SHANK1: variants seen among roughly 807,000 people sequenced by gnomAD.
SHANK1 encodes SH3 and multiple ankyrin repeat domains protein 1.
In SHANK1, 35 loss-of-function variants were observed where a neutral mutation model predicts 165.6. The observed-to-expected ratio is 0.21, with a 90% CI of 0.16 to 0.28. The LOEUF is 0.28. SHANK1 is among the 10% of genes least tolerant of loss of function. SHANK1 has a pLI of 1.00. For synonymous variants in SHANK1, 1,428 were observed against 1,384.8 expected (o/e 1.03, Z -0.69); for missense variants, 2,681 against 3,036.4 (o/e 0.88, Z 2.75).
intron 23 of SHANK1, 82 bp downstream of exon 23, chr19:50,666,110 C>T: frequency 7.4e-6 from 10 of 1,351,100 alleles, no homozygotes; most frequent in Non-Finnish European, 9.8e-6. Context: ...TGTTTCCTTT[C>T]TGCCACCCTG....
chr19:50,689,303 GGGGGGTGGT>G, intron 15 of SHANK1, 24 bp from the exon 16 acceptor site: 1 of 1,461,524 alleles, frequency 6.8e-7, no homozygotes, highest in Non-Finnish European at 9.6e-7. Flanking sequence ...AGGAGAAATG[GGGGGGTGGT>G]GGGGGGAGTG....
At chr19:50,663,042 A>ATTAATTAATCCT in intron 23 of SHANK1, 2 of 311,260 alleles carry the variant, frequency 6.4e-6, no homozygotes, top group Non-Finnish European at 1.2e-5. Context: ...AATCCCCACG[A>ATTAATTAATCCT]CAGCCCTGAT....
Position 50,662,355 on chromosome 19 carries a change from G to A in SHANK1, c.6096C>T (p.Leu2032=), listed in dbSNP as rs759943436. 1 of 1,598,724 alleles carries A rather than the reference G, an allele frequency of 6.3e-7. No homozygotes were observed. The highest frequency in any genetic ancestry group is 1.3e-5 in the African/African-American group (1 of 74,736). The change falls in exon 24 of 24, where the codon CTC becomes CTT. Residue 2032 remains leucine (L), a synonymous_variant. Coordinates refer to ENST00000293441, the MANE Select transcript of SHANK1 (RefSeq NM_016148.5). This position sits in a 1 kb window ranked among gnomAD's most constrained non-coding sequence, Gnocchi z 7.7. ...ILPSGPLYPG[L]FDIRGSPTGG... is the part of the protein sequence containing the mutation. ...CAGTTGGGGAGCCACGGATGTCAAA[G>A]AGGCCTGGGTAGAGGGGTCCGGAAG...
Position 50,662,438 on chromosome 19 carries a change from G to A in SHANK1, c.6013C>T (p.Pro2005Ser), listed in dbSNP as rs201889743. ...LRRAPSPSLL[P>S]ASEHKVSPAP... ...GGGCTGACCTTGTGCTCCGAGGCGG[G>A]CAGCAGCGAGGGGCTGGGGGCCCGG... The change falls in exon 24 of 24, where the codon CCC becomes TCC. Residue 2005 changes from proline (P) to serine (S), a missense_variant. Pro to Ser is a moderately conservative substitution (Grantham distance 74, BLOSUM62 -1). Around this residue, in one of 10 missense-constraint regions of SHANK1, gnomAD observed 1,713 missense variants for 1,630.2 expected, o/e 1.05. Transcript: ENST00000293441. This position sits in a 1 kb window ranked among gnomAD's most constrained non-coding sequence, Gnocchi z 7.7. 6.4e-7 allele frequency: 1 copy of A among 1,554,336 alleles called. No individual in the cohort carries two copies. The highest frequency in any genetic ancestry group is 1.9e-5 in the Admixed American group (1 of 52,246).
intron 10 of SHANK1, 91 bp from the exon 11 acceptor site, chr19:50,703,921 G>T: frequency 1.4e-6 from 1 of 699,708 alleles, no homozygotes; most frequent in Non-Finnish European, 2.4e-6. Flanking sequence ...TGGGAGAGAG[G>T]CATGAGGGAG....
At chr19:50,684,505 C>T (rs914336573) in intron 21 of SHANK1, among the ~76,000 whole-genome samples, 1 of 152,138 alleles carries the variant, frequency 6.6e-6, no homozygotes, top group Non-Finnish European at 1.5e-5. Flanking sequence ...GGATTACAGG[C>T]GTGAGCCACC....
intron 21 of SHANK1, among the ~76,000 whole-genome samples, chr19:50,684,467 C>CA (rs1469359666): frequency 6.6e-6 from 1 of 152,174 alleles, no homozygotes; most frequent in Non-Finnish European, 1.5e-5. Flanking sequence ...CTCAGGTGAT[C>CA]AGCCCACTTC....
In SHANK1 at chr19:50,717,736, G is replaced by T. The variant is rs893952190; in HGVS notation, c.-43-774C>A. 1.3e-5 allele frequency among the ~76,000 whole-genome samples: 2 copies of T among 152,048 alleles called. No individual in the cohort carries two copies. Among genetic ancestry groups the T allele is most frequent in the African/African-American group, 4.8e-5 (2 of 41,374 alleles). ...CTGTCCAGGTGACAGTGGTGTGGTG[G>T]CCCGGGTAGATGTGGGTGGCTGCAG... On this transcript the variant is annotated intron_variant, in intron 1 of 23. Transcript: ENST00000293441. This position sits in a 1 kb window ranked among gnomAD's most constrained non-coding sequence, Gnocchi z 5.5.
intron 23 of SHANK1, among the ~76,000 whole-genome samples, chr19:50,664,799 G>T (rs897421382): frequency 1.3e-5 from 2 of 152,114 alleles, no homozygotes; most frequent in African/African-American, 4.8e-5. Context: ...CTGTCACCCA[G>T]GCTGGAGCAC....
rs757470790 is a variant in SHANK1 at position 50,697,836 on chromosome 19, G to A, written c.1861+7C>T. On this transcript the variant is annotated splice_region_variant and intron_variant, in intron 13 of 23. Coordinates refer to ENST00000293441, the MANE Select transcript of SHANK1 (RefSeq NM_016148.5). This position sits in a 1 kb window ranked among gnomAD's most constrained non-coding sequence, Gnocchi z 4.7. The stretch of plus-strand genomic sequence containing the variant: ...TCCATTGAACACTGCTGGGGGTTCC[G>A]CATTACCTTGCTTGCTCTCCTGAGA... The A allele has an allele frequency of 5.6e-5, 90 of 1,606,976 alleles. No individual in the cohort carries two copies. The South Asian group carries it at 6.9e-4, about 12-fold the overall frequency.
rs201584552 is a variant in SHANK1 at position 50,697,910 on chromosome 19, A to T, written c.1794T>A (p.Gly598=). ...AGTCAGAGGGGAACCAGCCAACACG[A>T]CCTTTGACCTGGCCTTCCCAGAAGC... is the stretch of plus-strand genomic sequence containing the variant. ...EGGFWEGQVK[G]RVGWFPSDCL... The change falls in exon 13 of 24, where the codon GGT becomes GGA. Residue 598 remains glycine (G), a synonymous_variant. Coordinates refer to ENST00000293441, the MANE Select transcript of SHANK1 (RefSeq NM_016148.5). The surrounding 1 kb of genome is among the most constrained non-coding windows in gnomAD (Gnocchi z 4.7). 6.3e-5 allele frequency: 102 copies of T among 1,614,064 alleles called. No individual in the cohort carries two copies. In the South Asian group the frequency reaches 9.8e-4, roughly 15 times the overall value.
At chr19:50,677,304 T>G (rs1986013590) in intron 21 of SHANK1, among the ~76,000 whole-genome samples, 1 of 152,014 alleles carries the variant, frequency 6.6e-6, no homozygotes, top group Non-Finnish European at 1.5e-5. Context: ...ATTTTTGTAT[T>G]TTTAGTAGAG....
chr19:50,699,322 C>T (rs1986832813), intron 12 of SHANK1, among the ~76,000 whole-genome samples: 1 of 152,194 alleles, frequency 6.6e-6, no homozygotes, highest in South Asian at 2.1e-4. Flanking sequence ...TTGTTCCTTC[C>T]TTTGAGGAGC....
intron 15 of SHANK1, among the ~76,000 whole-genome samples, chr19:50,694,340 G>C (rs1256374570): frequency 6.6e-6 from 1 of 151,096 alleles, no homozygotes; most frequent in African/African-American, 2.4e-5. Flanking sequence ...TGTGATGGAG[G>C]GGGGATGACT....
Position 50,703,849 on chromosome 19 carries a change from G to T in SHANK1, c.1223-19C>A. ...AAGGGCACTGAGAGGGCACAGTGGCGGCGGGGGGCAGATGTTAGGGGAGAA... is the reference window on the plus strand; with the variant it reads ...AAGGGCACTGAGAGGGCACAGTGGCTGCGGGGGGCAGATGTTAGGGGAGAA... On this transcript the variant is annotated intron_variant, in intron 10 of 23. Transcript: ENST00000293441. 2 of 1,249,790 alleles carry T rather than the reference G, an allele frequency of 1.6e-6. No individual in the cohort carries two copies. The highest frequency in any genetic ancestry group is 2.1e-6 in the Non-Finnish European group (2 of 932,194). The allele number at this position is 1,249,790 out of a possible 1,614,324, so 77.4% of individuals were successfully genotyped here. A position where few individuals can be genotyped will look rare whatever the true frequency, so the allele number is the denominator to read the frequency against.
At position 50,688,150 on chromosome 19, in the gene SHANK1, G is replaced by A. The variant is rs1986420673; in HGVS notation, c.2173-92C>T. 10 of 1,479,064 alleles carry A rather than the reference G, an allele frequency of 6.8e-6. No individual in the cohort carries two copies. Among genetic ancestry groups the A allele is most frequent in the Non-Finnish European group, 8.4e-6 (9 of 1,077,092 alleles). The allele number at this position is 1,479,064 out of a possible 1,614,324, so 91.6% of individuals were successfully genotyped here. A position where few individuals can be genotyped will look rare whatever the true frequency, so the allele number is the denominator to read the frequency against. ...CCCCAAGGAGGATGCCTCCTGCGCTGCCCTGTCCATGGCCCTCTGGGCTAT... is the reference window on the plus strand; with the variant it reads ...CCCCAAGGAGGATGCCTCCTGCGCTACCCTGTCCATGGCCCTCTGGGCTAT... On this transcript the variant is annotated intron_variant, in intron 17 of 23. Transcript: ENST00000293441. The surrounding 1 kb of genome is among the most constrained non-coding windows in gnomAD (Gnocchi z 6.7).
chr19:50,711,851 T>C (rs1199544350), intron 7 of SHANK1, 96 bp downstream of exon 7: 2 of 1,377,756 alleles, frequency 1.5e-6, no homozygotes, highest in African/African-American at 2.8e-5. Flanking sequence ...CCATGCTCTG[T>C]GAGGACCCTG....
rs2089039720 is a variant in SHANK1, at chr19:50,713,991, T to C, written c.641-42A>G. Reference sequence around the variant, plus strand: ...GCTGGTCACATGAAGCCCCTTCTCCTCCCCTCCATCCCTTCCCATTTTCCA... The same window carrying C: ...GCTGGTCACATGAAGCCCCTTCTCCCCCCCTCCATCCCTTCCCATTTTCCA... On this transcript the variant is annotated intron_variant, in intron 5 of 23. Transcript: ENST00000293441. The surrounding 1 kb of genome is among the most constrained non-coding windows in gnomAD (Gnocchi z 6.2). 1.2e-6 allele frequency: 2 copies of C among 1,605,200 alleles called. No individual in the cohort carries two copies. Among genetic ancestry groups the C allele is most frequent in the Non-Finnish European group, 1.7e-6 (2 of 1,174,604 alleles).
At chr19:50,673,511 CGAGA>C (rs1568430421) in intron 21 of SHANK1, among the ~76,000 whole-genome samples, 1 of 152,092 alleles carries the variant, frequency 6.6e-6, no homozygotes, top group East Asian at 1.9e-4. Flanking sequence ...TTCTCCTCGG[CGAGA>C]CCTTCCCCGG....
Sources: allele counts gnomAD v4.1 joint callset (sites outside exome capture counted in the v4.1 genomes callset), GRCh38; gene constraint gnomAD v4.1.1; regional missense constraint gnomAD v4.1.1; non-coding constraint Gnocchi (gnomAD v3.1); transcripts MANE v1.5; gene names NCBI Gene and HGNC (gene_info 2026-07-23, HGNC 2026-07-21).